The following ULK4 variants were observed in gnomAD, a reference collection of about 807,000 sequenced individuals.
ULK4 encodes unc-51 like kinase 4, also known as inactive serine/threonine-protein kinase ULK4.
A neutral mutation model predicts 160.6 loss-of-function variants in ULK4; 133 were observed. The ratio of observed to expected loss-of-function variants is 0.83; its 90% CI spans 0.72 to 0.96. ULK4 has a LOEUF of 0.96. ULK4 is among the 40% of genes least tolerant of loss of function. The pLI, the probability that ULK4 is intolerant of heterozygous loss-of-function variation, is 0.00. For missense variants in ULK4, 1,580 were observed against 1,499.5 expected (o/e 1.05, Z -0.89); for synonymous variants, 534 against 539.8 (o/e 0.99, Z 0.15).
chr3:41,412,553 ATTTTTTTT>A (rs57224854), intron 34 of ULK4, among the ~76,000 whole-genome samples: 8 of 100,456 alleles, frequency 8.0e-5, no homozygotes, highest in African/African-American at 1.7e-4. Context: ...ATGCAGTTGA[ATTTTTTTT>A]TTTTTTTTTT....
chr3:41,506,767 A>AAAAAAAAAAAAAATATAT, intron 32 of ULK4, among the ~76,000 whole-genome samples: 28 of 56,792 alleles, frequency 4.9e-4, no homozygotes, highest in African/African-American at 2.0e-3. Context: ...TGTGATTTAA[A>AAAAAAAAAAAAAATATAT]ATATATATAT....
intron 32 of ULK4, among the ~76,000 whole-genome samples, chr3:41,500,182 T>A (rs2085144535): frequency 6.6e-6 from 1 of 151,912 alleles, no homozygotes; most frequent in Admixed American, 6.6e-5. Context: ...GCTTCATTAA[T>A]TTCTGCTTTT....
At chr3:41,834,322 G>A (rs886545314) in intron 18 of ULK4, among the ~76,000 whole-genome samples, 1 of 151,882 alleles carries the variant, frequency 6.6e-6, no homozygotes, top group Non-Finnish European at 1.5e-5. Flanking sequence ...TGCATTGGAG[G>A]ACTATATAAA....
chr3:41,927,378 A>G (rs755624803), intron 5 of ULK4, among the ~76,000 whole-genome samples: 2 of 152,220 alleles, frequency 1.3e-5, no homozygotes, highest in African/African-American at 4.8e-5. Flanking sequence ...AACCGGTACC[A>G]GCCACTGCAA....
At chr3:41,902,081 G>T (rs1698390087) in intron 12 of ULK4, among the ~76,000 whole-genome samples, 1 of 152,028 alleles carries the variant, frequency 6.6e-6, no homozygotes, top group Non-Finnish European at 1.5e-5. Flanking sequence ...AAAAGAGAGA[G>T]AGAATTTATG....
Position 41,403,245 on chromosome 3 carries a change from T to C in ULK4, c.3493-4981A>G, listed in dbSNP as rs373914610. On this transcript the variant is annotated intron_variant, in intron 34 of 36. Coordinates refer to ENST00000301831, the MANE Select transcript of ULK4 (RefSeq NM_017886.4). ...CAGTGAAATTATCTGGGCCCAGAGT[T>C]TGCTTTTTAGGAGTATTAAATTATA... is the stretch of plus-strand genomic sequence containing the variant. Among the ~76,000 whole-genome samples the C allele has an allele frequency of 4.1e-4, 62 of 152,272 alleles. 2 individuals are homozygous for C. The East Asian group carries it at 0.011, about 27-fold the overall frequency.
At chr3:41,265,658 C>T (rs972207579) in intron 35 of ULK4, among the ~76,000 whole-genome samples, 6 of 152,296 alleles carry the variant, frequency 3.9e-5, no homozygotes, top group African/African-American at 1.2e-4. Context: ...CAAATACCGA[C>T]TCCATTTGGA....
chr3:41,280,914 C>A (rs1354303005), intron 35 of ULK4, among the ~76,000 whole-genome samples: 1 of 151,832 alleles, frequency 6.6e-6, no homozygotes, highest in Non-Finnish European at 1.5e-5. Flanking sequence ...GCTCGCAAGA[C>A]TAATAAAGAA....
At chr3:41,400,490 C>A (rs1409132080) in intron 34 of ULK4, among the ~76,000 whole-genome samples, 1 of 152,170 alleles carries the variant, frequency 6.6e-6, no homozygotes, top group Non-Finnish European at 1.5e-5. Flanking sequence ...TAAAATCCAT[C>A]CAAATTTTTG....
Position 41,743,718 on chromosome 3 carries a change from T to A in ULK4, c.2321+10643A>T, listed in dbSNP as rs1290982460. On this transcript the variant is annotated intron_variant, in intron 22 of 36. Coordinates refer to ENST00000301831, the MANE Select transcript of ULK4 (RefSeq NM_017886.4). ...CCTTGCTCTGTTGCCCAGGCTGGAG[T>A]GCAGTGGCACAATCTTGGCTCCCTG... Among the ~76,000 whole-genome samples, 3 of 151,936 alleles carry A rather than the reference T, an allele frequency of 2.0e-5. No individual in the cohort carries two copies. In the South Asian group the frequency reaches 6.2e-4, roughly 32 times the overall value.
intron 12 of ULK4, among the ~76,000 whole-genome samples, chr3:41,904,510 T>A (rs560556796): frequency 6.6e-6 from 1 of 152,352 alleles, no homozygotes. Flanking sequence ...ATTGATTATA[T>A]TTTCTCAATA....
intron 34 of ULK4, among the ~76,000 whole-genome samples, chr3:41,447,108 A>AG (rs1165009004): frequency 7.0e-6 from 1 of 143,630 alleles, no homozygotes; most frequent in Non-Finnish European, 1.5e-5. Flanking sequence ...AAAAAAAAAA[A>AG]AGACAAGACA....
intron 19 of ULK4, among the ~76,000 whole-genome samples, chr3:41,815,380 G>A (rs1266560626): frequency 6.6e-6 from 1 of 151,894 alleles, no homozygotes; most frequent in Non-Finnish European, 1.5e-5. Context: ...TCATATTCAT[G>A]GTTATTCTAT....
intron 35 of ULK4, among the ~76,000 whole-genome samples, chr3:41,312,208 C>T (rs1256562037): frequency 6.6e-6 from 1 of 152,092 alleles, no homozygotes; most frequent in Non-Finnish European, 1.5e-5. Context: ...ATCCTGGCTT[C>T]AAGTGATCCT....
At chr3:41,810,772 C>A (rs1349810017) in intron 19 of ULK4, among the ~76,000 whole-genome samples, 2 of 152,180 alleles carry the variant, frequency 1.3e-5, no homozygotes, top group Non-Finnish European at 2.9e-5. Flanking sequence ...AACTGTTGGG[C>A]TAGTTCTCAT....
At chr3:41,299,568 T>C (rs542039788) in intron 35 of ULK4, among the ~76,000 whole-genome samples, 81 of 152,292 alleles carry the variant, frequency 5.3e-4, no homozygotes, top group African/African-American at 1.6e-3. Context: ...GTGGCTCTTG[T>C]TTTAAGTCAG....
At chr3:41,775,916 CT>C (rs2039599257) in intron 21 of ULK4, among the ~76,000 whole-genome samples, 1 of 150,870 alleles carries the variant, frequency 6.6e-6, no homozygotes, top group Non-Finnish European at 1.5e-5. Context: ...ATTATCCAAT[CT>C]CTTGTTGGTT....
intron 32 of ULK4, among the ~76,000 whole-genome samples, chr3:41,516,946 A>G (rs574920122): frequency 1.3e-5 from 2 of 152,278 alleles, no homozygotes; most frequent in African/African-American, 4.8e-5. Flanking sequence ...CCATAAATAT[A>G]TACACCTACT....
intron 35 of ULK4, among the ~76,000 whole-genome samples, chr3:41,297,437 G>A (rs900354482): frequency 1.3e-5 from 2 of 152,220 alleles, no homozygotes; most frequent in African/African-American, 4.8e-5. Flanking sequence ...GCAAAACAGG[G>A]GCCGAACTGA....
Sources: gnomAD v4.1 joint callset for allele counts (sites outside exome capture counted in the v4.1 genomes callset) on GRCh38, gnomAD v4.1.1 for gene constraint, MANE v1.5 for transcripts, NCBI Gene and HGNC (gene_info 2026-07-23, HGNC 2026-07-21) for gene names.